The following KCNAB1 variants were observed in gnomAD, a reference collection of about 807,000 sequenced individuals.
KCNAB1 encodes voltage-gated potassium channel subunit beta-1.
A neutral mutation model predicts 64.6 loss-of-function variants in KCNAB1; 35 were observed. That is an observed-to-expected ratio of 0.54 (90% CI 0.41 to 0.72). The LOEUF is 0.72. KCNAB1 is among the 30% of genes least tolerant of loss of function. The pLI, the probability that KCNAB1 is intolerant of heterozygous loss-of-function variation, is 0.00. For missense variants in KCNAB1, 401 were observed against 512.9 expected, an observed-to-expected ratio of 0.78 and a Z score of 2.11; for synonymous variants, 177 against 183.8, an observed-to-expected ratio of 0.96 and a Z score of 0.30.
chr3:156,443,739 T>TAC (rs71141708), intron 2 of KCNAB1, among the ~76,000 whole-genome samples: 13,377 of 141,664 alleles, frequency 0.094, 637 homozygotes, highest in Admixed American at 0.14. Flanking sequence ...ATTTAGTCCT[T>TAC]ACACACACAC....
intron 1 of KCNAB1, chr3:156,292,104 C>T (rs761815165): frequency 2.5e-6 from 4 of 1,614,002 alleles, no homozygotes; most frequent in Non-Finnish European, 3.4e-6. Context: ...GAGTCCACCG[C>T]AAAGCAGACT....
At chr3:156,292,325 G>A (rs1257639206) in intron 1 of KCNAB1, among the ~76,000 whole-genome samples, 2 of 152,032 alleles carry the variant, frequency 1.3e-5, no homozygotes, top group East Asian at 3.9e-4. Context: ...TTAAAAATGT[G>A]GCCCATTTTG....
At chr3:156,187,172 C>G (rs1022609307) in intron 1 of KCNAB1, among the ~76,000 whole-genome samples, 5 of 152,180 alleles carry the variant, frequency 3.3e-5, no homozygotes, top group African/African-American at 9.7e-5. Flanking sequence ...GTCTTTGACT[C>G]TATCTTTGAA....
At chr3:156,186,186 T>G (rs1172854533) in intron 1 of KCNAB1, among the ~76,000 whole-genome samples, 1 of 152,244 alleles carries the variant, frequency 6.6e-6, no homozygotes, top group South Asian at 2.1e-4. Context: ...TACTTGCTAC[T>G]TTAGTGTTTC....
At chr3:156,282,465 G>T (rs1173923265) in intron 1 of KCNAB1, among the ~76,000 whole-genome samples, 1 of 151,232 alleles carries the variant, frequency 6.6e-6, no homozygotes, top group Non-Finnish European at 1.5e-5. Flanking sequence ...GGAGAGTTCT[G>T]TAGATGTCTG....
At chr3:156,258,401 A>G (rs774729507) in intron 1 of KCNAB1, among the ~76,000 whole-genome samples, 2 of 152,174 alleles carry the variant, frequency 1.3e-5, no homozygotes, top group Non-Finnish European at 2.9e-5. Flanking sequence ...TTTTTCTATC[A>G]TGTACTGTCA....
chr3:156,152,809 A>G lies in KCNAB1; in HGVS notation c.275+31923A>G, dbSNP rs138477736. On this transcript the variant is annotated intron_variant, in intron 1 of 13. Coordinates refer to ENST00000490337, the MANE Select transcript of KCNAB1 (RefSeq NM_172160.3). ...CTCTAGAAGCTAGTTACGGTTTCAA[A>G]ACAGAGCTATGATTACTTCCAGAGA... Among the ~76,000 whole-genome samples the G allele has an allele frequency of 2.4e-3, 368 of 152,332 alleles. 2 individuals are homozygous for G. The highest frequency in any genetic ancestry group is 8.1e-3 in the African/African-American group (338 of 41,584).
intron 1 of KCNAB1, among the ~76,000 whole-genome samples, chr3:156,322,761 C>G (rs186895968): frequency 6.6e-6 from 1 of 152,242 alleles, no homozygotes; most frequent in East Asian, 1.9e-4. Context: ...TTAACAGAAC[C>G]ACTGGTTTCC....
At chr3:156,515,667 A>G (rs953777677) in intron 10 of KCNAB1, among the ~76,000 whole-genome samples, 1 of 152,184 alleles carries the variant, frequency 6.6e-6, no homozygotes, top group Non-Finnish European at 1.5e-5. Context: ...GTCGGGTACT[A>G]TACATTTGTG....
intron 1 of KCNAB1, among the ~76,000 whole-genome samples, chr3:156,206,176 G>T (rs1379957791): frequency 6.6e-6 from 1 of 152,166 alleles, no homozygotes; most frequent in African/African-American, 2.4e-5. Context: ...TCTTTGACCA[G>T]TGGTTCTCAG....
chr3:156,188,188 T>C (rs2108356965), intron 1 of KCNAB1, among the ~76,000 whole-genome samples: 1 of 152,080 alleles, frequency 6.6e-6, no homozygotes, highest in South Asian at 2.1e-4. Flanking sequence ...TAAGTTTATA[T>C]TTTATGGCTT....
chr3:156,357,996 A>T (rs894183636), intron 1 of KCNAB1, among the ~76,000 whole-genome samples: 1 of 152,044 alleles, frequency 6.6e-6, no homozygotes, highest in African/African-American at 2.4e-5. Context: ...TTCCAGACAC[A>T]GTTAAAATAA....
At chr3:156,530,515 A>G (rs1054139727) in intron 12 of KCNAB1, among the ~76,000 whole-genome samples, 1 of 152,172 alleles carries the variant, frequency 6.6e-6, no homozygotes, top group African/African-American at 2.4e-5. Flanking sequence ...GAGGCTGGCC[A>G]GGCTGGCTAA....
rs140642757 is a variant in KCNAB1 at position 156,321,146 on chromosome 3, T to C, written c.276-100470T>C. On this transcript the variant is annotated intron_variant, in intron 1 of 13. Transcript: ENST00000490337. ...AGACCCCTGTCTGTAGTGCACACTTTTCCTTTCTTTTCTTTTCATTCACAT... is the reference window on the plus strand; with the variant it reads ...AGACCCCTGTCTGTAGTGCACACTTCTCCTTTCTTTTCTTTTCATTCACAT... 7.9e-5 allele frequency among the ~76,000 whole-genome samples: 12 copies of C among 152,314 alleles called. No homozygotes were observed. The East Asian group carries it at 2.3e-3, about 29-fold the overall frequency.
chr3:156,206,363 G>C (rs1175995885), intron 1 of KCNAB1, among the ~76,000 whole-genome samples: 2 of 152,190 alleles, frequency 1.3e-5, no homozygotes, highest in African/African-American at 4.8e-5. Context: ...CCATACTGTG[G>C]TTGTGACACA....
chr3:156,531,367 G>A (rs773199776), intron 12 of KCNAB1, 42 bp from the exon 13 acceptor site: 16 of 1,400,516 alleles, frequency 1.1e-5, no homozygotes, highest in Admixed American at 1.0e-4. Flanking sequence ...ATCAACGATT[G>A]GAAGTGCTTT....
At chr3:156,292,601 G>A (rs905848086) in intron 1 of KCNAB1, among the ~76,000 whole-genome samples, 12 of 152,136 alleles carry the variant, frequency 7.9e-5, no homozygotes, top group Admixed American at 6.5e-5. Context: ...GCAGTGGTGC[G>A]ATCTGGGCTC....
chr3:156,298,050 T>C (rs478973), intron 1 of KCNAB1, among the ~76,000 whole-genome samples: 150,293 of 152,304 alleles, frequency 0.99, 74,164 homozygotes, highest in East Asian at 1. Flanking sequence ...CTCTCTGCCT[T>C]AAAGTAAAAT....
At chr3:156,279,046 A>G (rs992304936) in intron 1 of KCNAB1, among the ~76,000 whole-genome samples, 2 of 151,890 alleles carry the variant, frequency 1.3e-5, no homozygotes, top group African/African-American at 4.8e-5. Flanking sequence ...TACATGTGCC[A>G]TGCTGGTGCG....
Sources: allele counts gnomAD v4.1 joint callset (sites outside exome capture counted in the v4.1 genomes callset), GRCh38; gene constraint gnomAD v4.1.1; transcripts MANE v1.5; gene names NCBI Gene and HGNC (gene_info 2026-07-23, HGNC 2026-07-21).